IMPG1: variants seen among roughly 807,000 people sequenced by gnomAD.
The protein encoded by IMPG1 is interphotoreceptor matrix proteoglycan of 150 kDa.
A neutral mutation model predicts 92.0 loss-of-function variants in IMPG1; 85 were observed. That is an observed-to-expected ratio of 0.92 (90% CI 0.78 to 1.11). The LOEUF is 1.11. Ranked by LOEUF, IMPG1 falls within the 50% of genes least tolerant of loss-of-function variation. The pLI is 0.00. For synonymous variants in IMPG1, 367 were observed against 334.1 expected (o/e 1.10, Z -1.08); for missense variants, 1,022 against 956.0 (o/e 1.07, Z -0.91).
At chr6:75,930,608 G>C (rs1009580641) in intron 15 of IMPG1, among the ~76,000 whole-genome samples, 15 of 152,086 alleles carry the variant, frequency 9.9e-5, no homozygotes, top group African/African-American at 3.6e-4. Flanking sequence ...TAAGGTAGTA[G>C]ACCAAGTATT....
chr6:75,947,672 A>G (rs1317850625), intron 13 of IMPG1, 139 bp from the exon 14 acceptor site: 3 of 643,056 alleles, frequency 4.7e-6, no homozygotes, highest in African/African-American at 3.7e-5. Flanking sequence ...TTTTGGATTT[A>G]ATGTGAGACC....
intron 13 of IMPG1, among the ~76,000 whole-genome samples, chr6:75,949,695 C>T (rs768764588): frequency 7.9e-5 from 12 of 152,114 alleles, no homozygotes; most frequent in Admixed American, 3.3e-4. Context: ...GGACTCTGTT[C>T]CCTGAGACTC....
chr6:76,039,308 CT>C (rs1783794697), intron 2 of IMPG1, among the ~76,000 whole-genome samples: 1 of 150,988 alleles, frequency 6.6e-6, no homozygotes, highest in Admixed American at 6.6e-5. Context: ...CCCTATCCAT[CT>C]TTAACCTTCT....
intron 12 of IMPG1, among the ~76,000 whole-genome samples, chr6:75,968,376 T>C (rs1027316966): frequency 1.3e-5 from 2 of 152,160 alleles, no homozygotes; most frequent in Non-Finnish European, 2.9e-5. Flanking sequence ...GTTATTTCAG[T>C]TCCTTTTTTA....
chr6:76,018,625 G>C, intron 7 of IMPG1, 93 bp downstream of exon 7: 1 of 1,159,500 alleles, frequency 8.6e-7, no homozygotes, highest in South Asian at 1.7e-5. Flanking sequence ...GCCAGGAGAA[G>C]CTGGAACTGT....
intron 12 of IMPG1, among the ~76,000 whole-genome samples, chr6:75,996,314 G>A (rs1261835971): frequency 1.3e-5 from 2 of 152,154 alleles, no homozygotes; most frequent in African/African-American, 4.8e-5. Flanking sequence ...GTGAGATAAA[G>A]TCACCAAGAG....
intron 15 of IMPG1, among the ~76,000 whole-genome samples, chr6:75,926,984 C>T (rs1053585638): frequency 2.8e-4 from 42 of 152,208 alleles, no homozygotes; most frequent in African/African-American, 9.6e-4. Context: ...CCTATCTCAT[C>T]ACTTTCAGGT....
At chr6:76,030,166 G>C (rs1783629542) in intron 4 of IMPG1, among the ~76,000 whole-genome samples, 1 of 152,158 alleles carries the variant, frequency 6.6e-6, no homozygotes, top group South Asian at 2.1e-4. Context: ...ACTGACAGTA[G>C]CAGGGATAGA....
intron 1 of IMPG1, among the ~76,000 whole-genome samples, chr6:76,062,750 TTTAA>T (rs1445503235): frequency 1.3e-5 from 2 of 152,124 alleles, no homozygotes; most frequent in Admixed American, 6.6e-5. Context: ...GAGGTAAAAC[TTTAA>T]TTAATATAGA....
At chr6:75,992,528 C>T (rs948831307) in intron 12 of IMPG1, among the ~76,000 whole-genome samples, 1 of 151,860 alleles carries the variant, frequency 6.6e-6, no homozygotes, top group Admixed American at 6.6e-5. Flanking sequence ...CTTGTATCAT[C>T]TTCCTTCCTT....
chr6:75,994,419 T>C (rs1782863988), intron 12 of IMPG1, among the ~76,000 whole-genome samples: 1 of 152,192 alleles, frequency 6.6e-6, no homozygotes, highest in Non-Finnish European at 1.5e-5. Flanking sequence ...TACTGGATAG[T>C]TCAATGAAAA....
rs371118175 is a variant in IMPG1, at chr6:75,947,517, C to T, written c.1841G>A (p.Arg614Gln). ...QFTQLLVPYL[R>Q]SNLTGFKQLE... is the part of the protein sequence containing the mutation. ...TTGCTTAAATCCTGTAAGATTGGAT[C>T]GTAGATATGGAACCAGCTGCAAAAT... is the stretch of plus-strand genomic sequence containing the variant. The change falls in exon 14 of 17, where the codon CGA becomes CAA. Residue 614 changes from arginine to glutamine, a missense_variant. This residue lies in a region of IMPG1 where 332 missense variants were observed against 346.2 expected (regional missense o/e 0.96). Transcript: ENST00000369950. 5.9e-5 allele frequency: 95 copies of T among 1,613,040 alleles called. 1 individual carries two copies. The highest frequency in any genetic ancestry group is 2.5e-4 in the South Asian group (23 of 90,998).
chr6:75,947,393 C>G lies in IMPG1; in HGVS notation c.1965G>C (p.Gly655=), dbSNP rs762387361. The stretch of plus-strand genomic sequence containing the variant: ...CAGCAGAACGAAAATCCTCCAAGAC[C>G]CCGTGCACAGCCTTGGTGAGGTTAT... ...VPYNLTKAVH[G]VLEDFRSAAA... Residue 655 remains glycine, a synonymous_variant, in exon 14 of 17, where the codon GGG becomes GGC. Transcript: ENST00000369950. 6.2e-7 allele frequency: 1 copy of G among 1,613,790 alleles called. No individual in the cohort carries two copies. Among genetic ancestry groups the G allele is most frequent in the Non-Finnish European group, 8.5e-7 (1 of 1,179,898 alleles).
intron 12 of IMPG1, among the ~76,000 whole-genome samples, chr6:75,974,388 TTTCTTTTCTTTCTTTCC>T (rs1562354775): frequency 1.1e-3 from 63 of 59,036 alleles, no homozygotes; most frequent in African/African-American, 2.1e-3. Flanking sequence ...TCTTTCTTTC[TTTCTTTTCTTTCTTTCC>T]TTCCTTCCTT....
rs76795392 is a variant in IMPG1 at position 76,027,445 on chromosome 6, T to C, written c.498-2187A>G. 2.9e-3 allele frequency among the ~76,000 whole-genome samples: 441 copies of C among 152,346 alleles called. 2 individuals are homozygous for C. Among genetic ancestry groups the C allele is most frequent in the African/African-American group, 9.9e-3 (412 of 41,588 alleles). ...TAGGAGTTAACATTATACCATGTAATTGAAACTACTGAAATTAGATTTACA... is the reference window on the plus strand; with the variant it reads ...TAGGAGTTAACATTATACCATGTAACTGAAACTACTGAAATTAGATTTACA... On this transcript the variant is annotated intron_variant, in intron 4 of 16. Coordinates refer to ENST00000369950, the MANE Select transcript of IMPG1 (RefSeq NM_001563.4).
chr6:76,032,504 T>A (rs747201633), intron 4 of IMPG1, among the ~76,000 whole-genome samples: 1 of 152,168 alleles, frequency 6.6e-6, no homozygotes, highest in Non-Finnish European at 1.5e-5. Context: ...ACAAAATATA[T>A]GAGGATTTTG....
rs376165008 is a variant in IMPG1 at position 75,947,427 on chromosome 6, G to A, written c.1931C>T (p.Ser644Leu). The change falls in exon 14 of 17, where the codon TCA (serine) becomes TTA (leucine). Residue 644 changes from serine (S) to leucine (L), a missense_variant. Ser to Leu is a moderately radical substitution (Grantham distance 145). Coordinates refer to ENST00000369950, the MANE Select transcript of IMPG1 (RefSeq NM_001563.4). ...IVNSKMKFAK[S>L]VPYNLTKAVH... Reference sequence around the variant, plus strand: ...AGCCTTGGTGAGGTTATACGGCACTGACTTAGCAAACTTCATTTTGCTATT... The same window carrying A: ...AGCCTTGGTGAGGTTATACGGCACTAACTTAGCAAACTTCATTTTGCTATT... 3.7e-6 allele frequency: 6 copies of A among 1,613,632 alleles called. No individual in the cohort carries two copies. Among genetic ancestry groups the A allele is most frequent in the South Asian group, 1.1e-5 (1 of 91,074 alleles).
chr6:76,018,783 T>C lies in IMPG1; in HGVS notation c.742A>G (p.Lys248Glu), dbSNP rs376923255. Residue 248 changes from lysine to glutamate, a missense_variant, in exon 7 of 17, where the codon AAG becomes GAG. Physicochemically the swap from Lys to Glu is moderately conservative, Grantham distance 56 (BLOSUM62 1). This residue lies in a region of IMPG1 where 681 missense variants were observed against 583.6 expected (regional missense o/e 1.17). Transcript: ENST00000369950. ...LSVSLVNQKFKAELADSQSPY... is the reference protein window; with the variant it reads ...LSVSLVNQKFEAELADSQSPY... ...GACTGGGAGTCAGCGAGCTCTGCCTTGAACTTCTGGTTTACCAGAGAGACG... is the reference window on the plus strand; with the variant it reads ...GACTGGGAGTCAGCGAGCTCTGCCTCGAACTTCTGGTTTACCAGAGAGACG... 39 of 1,613,448 alleles carry C rather than the reference T, an allele frequency of 2.4e-5. No homozygotes were observed. Among genetic ancestry groups the C allele is most frequent in the Non-Finnish European group, 3.3e-5 (39 of 1,179,772 alleles).
chr6:76,007,024 T>G (rs1783109838), intron 9 of IMPG1, among the ~76,000 whole-genome samples: 1 of 152,170 alleles, frequency 6.6e-6, no homozygotes, highest in South Asian at 2.1e-4. Flanking sequence ...ATTACTGAGC[T>G]CTCCAAGGTA....
Sources: gnomAD v4.1 joint callset for allele counts (sites outside exome capture counted in the v4.1 genomes callset) on GRCh38, gnomAD v4.1.1 for gene constraint, gnomAD v4.1.1 regional missense constraint, MANE v1.5 for transcripts, NCBI Gene and HGNC (gene_info 2026-07-23, HGNC 2026-07-21) for gene names.